Variants in SLC9D1 observed in about 807,000 individuals in gnomAD.
The protein encoded by SLC9D1 is putative LAG1-interacting protein.
At chr13:113,501,615 T>G in the SLC9D1 span, 1 of 645,204 alleles carries the variant, frequency 1.5e-6, no homozygotes, top group Non-Finnish European at 2.7e-6. Flanking sequence ...ATGAGGAAAA[T>G]CGGTGGTTTT....
At chr13:113,544,368 G>A in the SLC9D1 span, among the ~76,000 whole-genome samples, 1 of 152,258 alleles carries the variant, frequency 6.6e-6, no homozygotes, top group Admixed American at 6.5e-5. Flanking sequence ...GCACCACAGA[G>A]CAAGGTCGGG....
At chr13:113,520,296 C>A in the SLC9D1 span, among the ~76,000 whole-genome samples, 13 of 151,836 alleles carry the variant, frequency 8.6e-5, no homozygotes, top group Non-Finnish European at 1.8e-4. Context: ...CCAGCCTGAC[C>A]AACATGGTGA....
At chr13:113,496,062 G>GGGAGAGAGAGGT in the SLC9D1 span, 1 of 1,429,094 alleles carries the variant, frequency 7.0e-7, no homozygotes, top group African/African-American at 1.4e-5. Context: ...GAGAGGGAGA[G>GGGAGAGAGAGGT]GGAGAGAGAG....
chr13:113,520,515 A>G, the SLC9D1 span: 1 of 816,866 alleles, frequency 1.2e-6, no homozygotes. Flanking sequence ...AAAGTGCCAA[A>G]ATAATTTGAG....
At chr13:113,541,402 G>C in the SLC9D1 span, among the ~76,000 whole-genome samples, 1 of 147,764 alleles carries the variant, frequency 6.8e-6, no homozygotes, top group East Asian at 2.0e-4. Flanking sequence ...ATACGCACAC[G>C]ATCGCTGATC....
the SLC9D1 span, among the ~76,000 whole-genome samples, chr13:113,543,067 CTCCCGCCCTACCTCTGTCTGTGA>C: frequency 1.7e-5 from 2 of 119,934 alleles, no homozygotes; most frequent in Non-Finnish European, 3.6e-5. Context: ...CTCCCCCTGC[CTCCCGCCCTACCTCTGTCTGTGA>C]CCCCCACCTC....
At chr13:113,492,917 A>C in the SLC9D1 span, among the ~76,000 whole-genome samples, 24 of 152,218 alleles carry the variant, frequency 1.6e-4, no homozygotes, top group Admixed American at 3.3e-4. Flanking sequence ...ACAACAACAA[A>C]AAAAACACAT....
chr13:113,524,187 T>C, the SLC9D1 span: 1 of 456,404 alleles, frequency 2.2e-6, no homozygotes, highest in Non-Finnish European at 4.4e-6. Flanking sequence ...GGAGATGGTA[T>C]TGAAGTCCCC....
At chr13:113,547,279 T>C in the SLC9D1 span, 1 of 1,601,782 alleles carries the variant, frequency 6.2e-7, no homozygotes, top group Non-Finnish European at 8.5e-7. Flanking sequence ...GGTCGTAACG[T>C]GTCTGTCCTG....
the SLC9D1 span, among the ~76,000 whole-genome samples, chr13:113,502,630 A>G: frequency 6.6e-6 from 1 of 152,204 alleles, no homozygotes; most frequent in Non-Finnish European, 1.5e-5. Context: ...CACTTCTGAC[A>G]GGGAGGAAAG....
chr13:113,495,711 A>C, the SLC9D1 span: 1 of 1,613,438 alleles, frequency 6.2e-7, no homozygotes, highest in South Asian at 1.1e-5. Context: ...GGTGGCTGCC[A>C]TGCAGAGCCG....
At chr13:113,509,481 GC>G in the SLC9D1 span, among the ~76,000 whole-genome samples, 1 of 152,078 alleles carries the variant, frequency 6.6e-6, no homozygotes, top group Non-Finnish European at 1.5e-5. Context: ...TCTTGGGTGG[GC>G]TCTCCCGGAG....
chr13:113,498,786 A>T, the SLC9D1 span: 1 of 355,522 alleles, frequency 2.8e-6, no homozygotes. Flanking sequence ...ATGGATTGGG[A>T]CACTGGGACT....
the SLC9D1 span, among the ~76,000 whole-genome samples, chr13:113,519,519 C>T: frequency 6.6e-6 from 1 of 152,190 alleles, no homozygotes; most frequent in African/African-American, 2.4e-5. Context: ...GTCTCATTTT[C>T]CTTTCTTCTT....
At chr13:113,502,014 A>G in the SLC9D1 span, 5 of 718,202 alleles carry the variant, frequency 7.0e-6, no homozygotes, top group East Asian at 1.2e-4. Flanking sequence ...ATGTCCTTTC[A>G]GGTGTCACGG....
the SLC9D1 span, chr13:113,534,524 C>T: frequency 2.1e-6 from 1 of 472,484 alleles, no homozygotes; most frequent in African/African-American, 2.0e-5. Context: ...TATAGTGGCT[C>T]ACACCTGTAG....
At chr13:113,502,208 G>T in the SLC9D1 span, among the ~76,000 whole-genome samples, 108 of 151,978 alleles carry the variant, frequency 7.1e-4, 1 homozygote, top group African/African-American at 2.4e-3. Flanking sequence ...AACCGTTTTT[G>T]TTGTTGTTGT....
At chr13:113,492,503 A>G in the SLC9D1 span, among the ~76,000 whole-genome samples, 1 of 151,922 alleles carries the variant, frequency 6.6e-6, no homozygotes, top group Non-Finnish European at 1.5e-5. Context: ...TACATGCACT[A>G]GTGAGTGTGA....
At chr13:113,508,221 C>A in the SLC9D1 span, among the ~76,000 whole-genome samples, 4 of 152,362 alleles carry the variant, frequency 2.6e-5, no homozygotes, top group African/African-American at 9.6e-5. Context: ...CTCGCCTGTT[C>A]TCTATAGAAA....
Sources: allele counts gnomAD v4.1 joint callset (sites outside exome capture counted in the v4.1 genomes callset), GRCh38; gene constraint gnomAD v4.1.1; transcripts MANE v1.5; gene names NCBI Gene and HGNC (gene_info 2026-07-23, HGNC 2026-07-21).